JARID2: variants seen among roughly 807,000 people sequenced by gnomAD.
JARID2 encodes the protein protein Jumonji.
A neutral mutation model predicts 125.6 loss-of-function variants in JARID2; 21 were observed. The ratio of observed to expected loss-of-function variants is 0.17; its 90% confidence interval spans 0.12 to 0.24. The LOEUF is 0.24. Among genes scored for constraint, JARID2 ranks in the 10% least tolerant of loss-of-function variants. The pLI, the probability that JARID2 is intolerant of heterozygous loss-of-function variation, is 1.00. For missense variants in JARID2, 1,303 were observed against 1,639.6 expected (o/e 0.79, Z 3.55); for synonymous variants, 736 against 661.6 (o/e 1.11, Z -1.73).
intron 4 of JARID2, among the ~76,000 whole-genome samples, chr6:15,457,112 G>A (rs1194922676): frequency 6.6e-6 from 1 of 151,794 alleles, no homozygotes; most frequent in Non-Finnish European, 1.5e-5. Context: ...TTTCGTTTTT[G>A]CAGTCTGATT....
chr6:15,512,135 C>T (rs956372336), intron 13 of JARID2, 73 bp from the exon 14 acceptor site: 19 of 1,316,870 alleles, frequency 1.4e-5, no homozygotes, highest in Non-Finnish European at 1.9e-5. Context: ...TTAGGGTGCG[C>T]ATACGTCACC....
At chr6:15,491,521 C>T (rs1489929822) in intron 6 of JARID2, among the ~76,000 whole-genome samples, 1 of 152,214 alleles carries the variant, frequency 6.6e-6, no homozygotes, top group Non-Finnish European at 1.5e-5. Context: ...CTCTCTGGGC[C>T]TCTGGTTCTG....
At chr6:15,401,912 TTTTTTTTTACTTTG>T (rs1765453287) in intron 2 of JARID2, among the ~76,000 whole-genome samples, 1 of 151,638 alleles carries the variant, frequency 6.6e-6, no homozygotes, top group African/African-American at 2.4e-5. Context: ...TTTTTTTTTT[TTTTTTTTTACTTTG>T]AATGGACTAC....
intron 2 of JARID2, among the ~76,000 whole-genome samples, chr6:15,402,086 T>A (rs1324933478): frequency 6.6e-6 from 1 of 152,134 alleles, no homozygotes; most frequent in Non-Finnish European, 1.5e-5. Flanking sequence ...GAGATTCCTT[T>A]TATCCTAGGG....
At chr6:15,415,736 C>G (rs1018835475) in intron 3 of JARID2, among the ~76,000 whole-genome samples, 2 of 143,420 alleles carry the variant, frequency 1.4e-5, no homozygotes, top group African/African-American at 5.2e-5. Context: ...GCTGGCCAGG[C>G]GGAGGGGCTC....
chr6:15,463,209 A>G (rs1768536721), intron 4 of JARID2, among the ~76,000 whole-genome samples: 3 of 152,232 alleles, frequency 2.0e-5, no homozygotes, highest in South Asian at 4.2e-4. Context: ...GCTCCCCCTG[A>G]AAAAAATCCC....
chr6:15,479,134 A>G (rs941018779), intron 5 of JARID2, among the ~76,000 whole-genome samples: 9 of 152,170 alleles, frequency 5.9e-5, no homozygotes, highest in Non-Finnish European at 1.3e-4. Flanking sequence ...GTTGCCCCGT[A>G]AGGCCATTTG....
At chr6:15,451,706 T>C (rs545892946) in intron 3 of JARID2, among the ~76,000 whole-genome samples, 2 of 152,346 alleles carry the variant, frequency 1.3e-5, no homozygotes, top group African/African-American at 4.8e-5. Context: ...TGTGTAGTTT[T>C]TAAATACTCA....
At chr6:15,361,466 A>G (rs899108772) in intron 1 of JARID2, among the ~76,000 whole-genome samples, 12 of 152,218 alleles carry the variant, frequency 7.9e-5, no homozygotes, top group African/African-American at 2.9e-4. Flanking sequence ...GTAAATTTCT[A>G]CATACATCCA....
chr6:15,323,545 C>G (rs1469308912), intron 1 of JARID2, among the ~76,000 whole-genome samples: 1 of 152,136 alleles, frequency 6.6e-6, no homozygotes, highest in African/African-American at 2.4e-5. Context: ...CAGTCACATA[C>G]TGAGGTACTA....
intron 1 of JARID2, among the ~76,000 whole-genome samples, chr6:15,353,113 A>T (rs1317432984): frequency 6.6e-6 from 1 of 152,170 alleles, no homozygotes; most frequent in Non-Finnish European, 1.5e-5. Context: ...CCTTTTGAGT[A>T]ATAGCCTTTT....
At chr6:15,489,011 G>A (rs971734276) in intron 6 of JARID2, among the ~76,000 whole-genome samples, 3 of 152,166 alleles carry the variant, frequency 2.0e-5, no homozygotes, top group Admixed American at 6.5e-5. Context: ...TCACTCCCCC[G>A]CTGTTCCCAA....
At chr6:15,382,861 C>T (rs951232479) in intron 2 of JARID2, among the ~76,000 whole-genome samples, 1 of 152,184 alleles carries the variant, frequency 6.6e-6, no homozygotes, top group South Asian at 2.1e-4. Flanking sequence ...TTCTCTCTGC[C>T]CGCCTCCTTT....
chr6:15,368,465 GTGCATGGAAATAGAA>G (rs1352244565), intron 1 of JARID2, among the ~76,000 whole-genome samples: 1 of 152,194 alleles, frequency 6.6e-6, no homozygotes, highest in Non-Finnish European at 1.5e-5. Context: ...TCATGAGACT[GTGCATGGAAATAGAA>G]TTATCTTCTT....
At position 15,330,289 on chromosome 6, in the gene JARID2, G is replaced by A. The variant is rs559892439; in HGVS notation, c.46-43828G>A. 2.0e-5 allele frequency among the ~76,000 whole-genome samples: 3 copies of A among 152,276 alleles called. No individual in the cohort carries two copies. The East Asian group carries it at 5.8e-4, about 29-fold the overall frequency. ...AATTATTTTCTACTTGTGTGGCCAGGAGGTTATTTGGTCTGGTGAGGTTAC... is the reference window on the plus strand; with the variant it reads ...AATTATTTTCTACTTGTGTGGCCAGAAGGTTATTTGGTCTGGTGAGGTTAC... On this transcript the variant is annotated intron_variant, in intron 1 of 17. Transcript: ENST00000341776.
chr6:15,485,168 A>G (rs1461251058), intron 5 of JARID2, among the ~76,000 whole-genome samples: 2 of 152,214 alleles, frequency 1.3e-5, no homozygotes, highest in Non-Finnish European at 1.5e-5. Context: ...ATTGTATCCC[A>G]TATTTTGACG....
At chr6:15,512,886 A>C in intron 14 of JARID2, 29 bp from the exon 15 acceptor site, 2 of 1,606,634 alleles carry the variant, frequency 1.2e-6, no homozygotes, top group Admixed American at 1.7e-5. Context: ...ATGAAAATCC[A>C]CCCTAAAGGG....
chr6:15,303,071 A>G (rs1420239330), intron 1 of JARID2, among the ~76,000 whole-genome samples: 2 of 152,230 alleles, frequency 1.3e-5, no homozygotes, highest in African/African-American at 4.8e-5. Flanking sequence ...GTTAAATGAC[A>G]CAGGATTTTG....
At chr6:15,288,580 A>T (rs1761089995) in intron 1 of JARID2, among the ~76,000 whole-genome samples, 1 of 152,106 alleles carries the variant, frequency 6.6e-6, no homozygotes, top group Admixed American at 6.6e-5. Flanking sequence ...CAAGGGTGGG[A>T]TTTTATATGT....
Sources: allele counts gnomAD v4.1 joint callset (sites outside exome capture counted in the v4.1 genomes callset), GRCh38; gene constraint gnomAD v4.1.1; transcripts MANE v1.5; gene names NCBI Gene and HGNC (gene_info 2026-07-23, HGNC 2026-07-21).